Variants in ZNF71 observed in about 807,000 individuals in gnomAD.
ZNF71 encodes endothelial zinc finger protein induced by tumor necrosis factor alpha.
In ZNF71, 3 loss-of-function variants were observed where a neutral mutation model predicts 6.7. The observed-to-expected ratio is 0.45, with a 90% CI of 0.20 to 1.16. The LOEUF (loss-of-function observed/expected upper bound fraction) is 1.16, where lower values mean the gene tolerates loss of function less well. Ranked by LOEUF, ZNF71 falls within the 50% of genes most tolerant of loss-of-function variation. The pLI is 0.25. For synonymous variants in ZNF71, 343 were observed against 311.1 expected (o/e 1.10, Z -1.08); for missense variants, 688 against 728.6 (o/e 0.94, Z 0.64).
Position 56,595,358 on chromosome 19 carries a change from C to G in ZNF71, c.-123C>G, listed in dbSNP as rs2044610471. On this transcript the variant is annotated 5_prime_UTR_variant, in exon 1 of 4. Coordinates refer to ENST00000599599, the MANE Select transcript of ZNF71 (RefSeq NM_001370215.1). Reference sequence around the variant, plus strand: ...GTGGCTGCGGGGTCGCGCCCACCCTCTACCTGTGCCGGGGGCCGGAACCTG... The same window carrying G: ...GTGGCTGCGGGGTCGCGCCCACCCTGTACCTGTGCCGGGGGCCGGAACCTG... 6.5e-6 allele frequency: 1 copy of G among 153,022 alleles called. No homozygotes were observed. Among genetic ancestry groups the G allele is most frequent in the African/African-American group, 2.4e-5 (1 of 41,480 alleles). The allele number at this position is 153,022 out of a possible 1,614,324, so 9.5% of individuals were successfully genotyped here. A position where few individuals can be genotyped will look rare whatever the true frequency, so the allele number is the denominator to read the frequency against.
In ZNF71 at chr19:56,623,325, A is replaced by G. The variant is rs1446974806; in HGVS notation, c.*568A>G. 2 of 167,566 alleles carry G rather than the reference A, an allele frequency of 1.2e-5. No homozygotes were observed. The highest frequency in any genetic ancestry group is 2.9e-5 in the Non-Finnish European group (2 of 68,790). 10.4% of individuals were successfully genotyped at this position (167,566 alleles called of 1,614,324 possible). On this transcript the variant is annotated 3_prime_UTR_variant, in exon 4 of 4. Coordinates refer to ENST00000599599, the MANE Select transcript of ZNF71 (RefSeq NM_001370215.1). ...TTGCCGGTTGTTTGTGAGGGGAAAA[A>G]TTTTTTTTTCAGAGTTAGCAAATAA...
In ZNF71 at chr19:56,617,112, G is replaced by GTTTTTTTTTT. The variant is rs748784485; in HGVS notation, c.160+3183_160+3184insTTTTTTTTTT. Among the ~76,000 whole-genome samples the GTTTTTTTTTT allele has an allele frequency of 8.0e-3, 1,130 of 140,418 alleles. 28 individuals carry two copies. Among genetic ancestry groups the GTTTTTTTTTT allele is most frequent in the South Asian group, 0.01 (45 of 4,354 alleles). 92.1% of individuals were successfully genotyped at this position (140,418 alleles called of 152,430 possible). The stretch of plus-strand genomic sequence containing the variant: ...TTACAGGAGACTTCCATTTTCTTTT[G>GTTTTTTTTTT]TTTTTTTTTGTTTTTTTTGAGACAG... On this transcript the variant is annotated intron_variant, in intron 3 of 3. Transcript: ENST00000599599.
At chr19:56,605,158 T>A (rs1271002091) in intron 2 of ZNF71, among the ~76,000 whole-genome samples, 1 of 152,220 alleles carries the variant, frequency 6.6e-6, no homozygotes, top group Non-Finnish European at 1.5e-5. Flanking sequence ...AATAGAAATG[T>A]GTACAGCTGG....
intron 3 of ZNF71, among the ~76,000 whole-genome samples, chr19:56,617,502 C>T (rs993884024): frequency 1.3e-5 from 2 of 151,886 alleles, no homozygotes; most frequent in Admixed American, 1.3e-4. Flanking sequence ...GTGTGAAGGA[C>T]GAGATTTAGC....
chr19:56,620,613 C>T (rs1386742891), intron 3 of ZNF71, among the ~76,000 whole-genome samples: 2 of 151,930 alleles, frequency 1.3e-5, no homozygotes, highest in Non-Finnish European at 2.9e-5. Flanking sequence ...CTCACTGCAA[C>T]CTCGAATTCC....
At chr19:56,606,638 T>C (rs539672191) in intron 2 of ZNF71, among the ~76,000 whole-genome samples, 1 of 152,044 alleles carries the variant, frequency 6.6e-6, no homozygotes, top group Admixed American at 6.5e-5. Flanking sequence ...TCTCTTGCTG[T>C]GGTATGGATG....
At chr19:56,614,002 A>T (rs994769883) in intron 3 of ZNF71, 64 bp downstream of exon 3, 118 of 141,774 alleles carry the variant, frequency 8.3e-4, no homozygotes, top group Middle Eastern at 3.5e-3. Flanking sequence ...CAAATAAATT[A>T]AAAAAAAAAA....
rs2044847332 is a variant in ZNF71, at chr19:56,621,486, C to G, written c.379C>G (p.Leu127Val). 3.1e-6 allele frequency: 5 copies of G among 1,614,082 alleles called. No homozygotes were observed. The highest frequency in any genetic ancestry group is 4.2e-6 in the Non-Finnish European group (5 of 1,179,992). ...EPLGIPQGNK[L>V]LGGSVPACHE... ...ATTGGGAATTCCCCAGGGGAACAAACTCTTAGGGGGCTCAGTACCCGCATG... is the reference window on the plus strand; with the variant it reads ...ATTGGGAATTCCCCAGGGGAACAAAGTCTTAGGGGGCTCAGTACCCGCATG... The change falls in exon 4 of 4, where the codon CTC (leucine) becomes GTC (valine). Residue 127 changes from leucine to valine, a missense_variant. Physicochemically the swap from Leu to Val is conservative, Grantham distance 32 (BLOSUM62 1). Coordinates refer to ENST00000599599, the MANE Select transcript of ZNF71 (RefSeq NM_001370215.1).
chr19:56,606,603 G>A (rs1275418894), intron 2 of ZNF71, among the ~76,000 whole-genome samples: 1 of 152,140 alleles, frequency 6.6e-6, no homozygotes, highest in Non-Finnish European at 1.5e-5. Context: ...AGAGTAGTCT[G>A]CTGGCTTCTT....
At chr19:56,615,558 G>GT (rs60056272) in intron 3 of ZNF71, among the ~76,000 whole-genome samples, 46,014 of 140,374 alleles carry the variant, frequency 0.33, 8,821 homozygotes, top group Non-Finnish European at 0.44. Flanking sequence ...GTCTTTTCCT[G>GT]TTTTTTTTTT....
intron 2 of ZNF71, among the ~76,000 whole-genome samples, chr19:56,608,794 T>G (rs2044728849): frequency 6.6e-6 from 1 of 152,230 alleles, no homozygotes; most frequent in African/African-American, 2.4e-5. Flanking sequence ...GCTGTTCACA[T>G]TTTGACACAT....
Position 56,598,295 on chromosome 19 carries a change from C to G in ZNF71, c.-53+2867C>G, listed in dbSNP as rs2044641276. 6.6e-6 allele frequency among the ~76,000 whole-genome samples: 1 copy of G among 151,998 alleles called. No homozygotes were observed. The highest frequency in any genetic ancestry group is 2.0e-4 in the East Asian group (1 of 5,090). On this transcript the variant is annotated intron_variant, in intron 1 of 3. Coordinates refer to ENST00000599599, the MANE Select transcript of ZNF71 (RefSeq NM_001370215.1). This position sits in a 1 kb window ranked among gnomAD's most constrained non-coding sequence, Gnocchi z 4.2. ...CAGAGGGAACAGCAGATGCAGAGGC[C>G]AGGAGGCCTGGGGCCAAGCATGGGA...
At chr19:56,600,208 T>TTTTTTTTTTA (rs2044659989) in intron 1 of ZNF71, among the ~76,000 whole-genome samples, 1 of 42,832 alleles carries the variant, frequency 2.3e-5, no homozygotes, top group African/African-American at 1.1e-4. Context: ...TTTTTTTTTT[T>TTTTTTTTTTA]GAGACGGAGT....
intron 2 of ZNF71, among the ~76,000 whole-genome samples, chr19:56,609,631 A>T (rs538293165): frequency 7.1e-6 from 1 of 140,672 alleles, no homozygotes; most frequent in East Asian, 1.9e-4. Flanking sequence ...AATGAGGCAT[A>T]CGATATGGAT....
chr19:56,622,197 G>T lies in ZNF71; in HGVS notation c.1090G>T (p.Gly364Cys), dbSNP rs2044860999. 1 of 1,613,614 alleles carries T rather than the reference G, an allele frequency of 6.2e-7. No homozygotes were observed. The highest frequency in any genetic ancestry group is 8.5e-7 in the Non-Finnish European group (1 of 1,179,856). The change falls in exon 4 of 4, where the codon GGC becomes TGC. Residue 364 changes from glycine (G) to cysteine (C), a missense_variant. Coordinates refer to ENST00000599599, the MANE Select transcript of ZNF71 (RefSeq NM_001370215.1). ...GEKPYACKEC[G>C]KAFNKSSSLT... ...GAAGCCGTACGCCTGCAAGGAGTGC[G>T]GCAAGGCCTTCAACAAGAGCTCCTC...
chr19:56,620,672 T>C (rs1288346322), intron 3 of ZNF71, among the ~76,000 whole-genome samples: 3 of 151,890 alleles, frequency 2.0e-5, no homozygotes, highest in East Asian at 3.9e-4. Context: ...GCTGGGACAA[T>C]AGGCATGTGC....
intron 2 of ZNF71, chr19:56,610,079 A>C (rs1320429282): frequency 6.6e-6 from 1 of 152,240 alleles, no homozygotes; most frequent in Non-Finnish European, 1.5e-5. Context: ...ATTGCGAGTA[A>C]CATTGCTATG....
intron 2 of ZNF71, 133 bp downstream of exon 2, chr19:56,601,724 T>C: frequency 1.8e-6 from 1 of 544,600 alleles, no homozygotes; most frequent in Non-Finnish European, 2.3e-6. Flanking sequence ...TGAAGAGGGC[T>C]GTGCTTATAG....
chr19:56,621,130 G>A (rs2044841707), intron 3 of ZNF71, 138 bp from the exon 4 acceptor site: 1 of 833,318 alleles, frequency 1.2e-6, no homozygotes, highest in Admixed American at 3.6e-5. Flanking sequence ...TCTGATCCAA[G>A]GTTCTTCTTT....
Sources: gnomAD v4.1 joint callset for allele counts (sites outside exome capture counted in the v4.1 genomes callset) on GRCh38, gnomAD v4.1.1 for gene constraint, Gnocchi (gnomAD v3.1) non-coding constraint, MANE v1.5 for transcripts, NCBI Gene and HGNC (gene_info 2026-07-23, HGNC 2026-07-21) for gene names.